TRPM3: variants seen among roughly 807,000 people sequenced by gnomAD.
TRPM3 encodes transient receptor potential cation channel subfamily M member 3.
A neutral mutation model predicts 181.2 loss-of-function variants in TRPM3; 77 were observed. The observed-to-expected ratio is 0.42, with a 90% CI of 0.35 to 0.51. The LOEUF (loss-of-function observed/expected upper bound fraction) is 0.51, where lower values mean the gene tolerates loss of function less well. Among genes scored for constraint, TRPM3 ranks in the 20% least tolerant of loss-of-function variants. The pLI, the probability that TRPM3 is intolerant of heterozygous loss-of-function variation, is 0.01. For missense variants in TRPM3, 1,759 were observed against 2,196.7 expected (o/e 0.80, Z 3.98); for synonymous variants, 745 against 796.4 (o/e 0.94, Z 1.09).
At chr9:71,279,800 G>A (rs1430774930) in intron 1 of TRPM3, among the ~76,000 whole-genome samples, 5 of 152,120 alleles carry the variant, frequency 3.3e-5, no homozygotes, top group Admixed American at 6.5e-5. Context: ...TATCCCGGCC[G>A]GGCGCGGTGG....
chr9:70,609,313 G>A (rs1473409050), intron 19 of TRPM3, among the ~76,000 whole-genome samples: 1 of 152,146 alleles, frequency 6.6e-6, no homozygotes, highest in African/African-American at 2.4e-5. Context: ...TAAAATATAT[G>A]AATAGAAACG....
chr9:71,315,924 C>T (rs1447606550), intron 1 of TRPM3, among the ~76,000 whole-genome samples: 1 of 152,100 alleles, frequency 6.6e-6, no homozygotes, highest in Non-Finnish European at 1.5e-5. Context: ...TTTGGTTGGG[C>T]TATAGTTATT....
rs1457373244 is a variant in TRPM3, at chr9:71,409,503, G to GAGGCAAAGA, written c.183+37141_183+37149dup. ...GACCTTAAACCAACAAAGATCAAAG[G>GAGGCAAAGA]AGGCAAAGAAGGCCATTACATAATG... On this transcript the variant is annotated intron_variant, in intron 1 of 24. Coordinates refer to the TRPM3 transcript ENST00000357533. Among the ~76,000 whole-genome samples the GAGGCAAAGA allele has an allele frequency of 2.6e-5, 4 of 152,206 alleles. No homozygotes were observed. The East Asian group carries it at 7.7e-4, about 29-fold the overall frequency.
chr9:71,165,701 C>T (rs1181821444), intron 1 of TRPM3, among the ~76,000 whole-genome samples: 1 of 152,096 alleles, frequency 6.6e-6, no homozygotes, highest in Non-Finnish European at 1.5e-5. Context: ...TGAAAGGTCA[C>T]TCATCATTAC....
chr9:71,030,567 G>A (rs576406408), intron 1 of TRPM3, among the ~76,000 whole-genome samples: 1 of 146,300 alleles, frequency 6.8e-6, no homozygotes, highest in South Asian at 2.1e-4. Context: ...GTGAGACCCC[G>A]TTCCAAAAAA....
Position 71,015,708 on chromosome 9 carries a change from C to T in TRPM3, c.177+105470G>A, listed in dbSNP as rs117372257. Among the ~76,000 whole-genome samples the T allele has an allele frequency of 8.8e-3, 1,334 of 152,172 alleles. 12 individuals carry two copies. The highest frequency in any genetic ancestry group is 0.015 in the Non-Finnish European group (1,008 of 67,978). On this transcript the variant is annotated intron_variant, in intron 1 of 25. Transcript: ENST00000677713. ...TGTGTTCTGAATTGATAATCCAAAACGTTCTTTTTTATAATAGGGTAAATG... is the reference window on the plus strand; with the variant it reads ...TGTGTTCTGAATTGATAATCCAAAATGTTCTTTTTTATAATAGGGTAAATG...
intron 1 of TRPM3, among the ~76,000 whole-genome samples, chr9:71,219,671 G>T (rs2080111038): frequency 6.6e-6 from 1 of 152,156 alleles, no homozygotes; most frequent in Non-Finnish European, 1.5e-5. Context: ...AGAGTTTCAG[G>T]AACTGTTTTA....
At chr9:71,046,515 T>A (rs1355750088) in intron 1 of TRPM3, among the ~76,000 whole-genome samples, 1 of 152,204 alleles carries the variant, frequency 6.6e-6, no homozygotes, top group African/African-American at 2.4e-5. Flanking sequence ...CTATTTTAAG[T>A]ATCTAAATAT....
At chr9:71,384,616 T>A (rs74343508) in intron 1 of TRPM3, among the ~76,000 whole-genome samples, 7 of 152,326 alleles carry the variant, frequency 4.6e-5, no homozygotes, top group African/African-American at 1.7e-4. Context: ...TCTTTGATGC[T>A]CCCATAGATA....
At chr9:71,127,268 A>G (rs754215021) in intron 1 of TRPM3, among the ~76,000 whole-genome samples, 2 of 104,800 alleles carry the variant, frequency 1.9e-5, no homozygotes, top group Non-Finnish European at 4.4e-5. Context: ...TACTCAACAT[A>G]GATTTTAAGT....
intron 1 of TRPM3, among the ~76,000 whole-genome samples, chr9:71,404,618 G>T (rs1421295169): frequency 6.6e-6 from 1 of 151,982 alleles, no homozygotes; most frequent in Non-Finnish European, 1.5e-5. Flanking sequence ...TGCTGGCTCT[G>T]GTCTTTTCCT....
chr9:71,090,421 T>G (rs1401329399), intron 1 of TRPM3, among the ~76,000 whole-genome samples: 4 of 152,166 alleles, frequency 2.6e-5, no homozygotes, highest in Admixed American at 6.6e-5. Flanking sequence ...CACAAGCAGA[T>G]GAAGTTGTTA....
intron 1 of TRPM3, among the ~76,000 whole-genome samples, chr9:71,434,056 G>C (rs888860342): frequency 2.0e-5 from 3 of 152,150 alleles, no homozygotes; most frequent in Non-Finnish European, 4.4e-5. Context: ...CTACTCAGGA[G>C]GCTCAGGCAG....
At chr9:70,987,845 A>T (rs549054837) in intron 1 of TRPM3, among the ~76,000 whole-genome samples, 1 of 152,188 alleles carries the variant, frequency 6.6e-6, no homozygotes, top group Non-Finnish European at 1.5e-5. Context: ...TTATTTAAAA[A>T]TTTTATTTTA....
At chr9:71,096,474 G>A (rs1465209751) in intron 1 of TRPM3, among the ~76,000 whole-genome samples, 1 of 150,740 alleles carries the variant, frequency 6.6e-6, no homozygotes, top group Non-Finnish European at 1.5e-5. Flanking sequence ...CTCTTCCAGA[G>A]GCTTAGAGAG....
At chr9:70,553,766 G>A (rs570307443) in intron 22 of TRPM3, among the ~76,000 whole-genome samples, 41 of 152,316 alleles carry the variant, frequency 2.7e-4, no homozygotes, top group African/African-American at 9.9e-4. Context: ...CTATTGATCG[G>A]GAATTAACAA....
intron 1 of TRPM3, among the ~76,000 whole-genome samples, chr9:71,382,029 T>C (rs986462299): frequency 1.3e-5 from 2 of 152,160 alleles, no homozygotes; most frequent in African/African-American, 4.8e-5. Flanking sequence ...TATGAATAGA[T>C]AAATGCATGC....
intron 1 of TRPM3, among the ~76,000 whole-genome samples, chr9:71,414,329 A>G (rs556446441): frequency 1.3e-4 from 20 of 152,196 alleles, no homozygotes; most frequent in African/African-American, 4.6e-4. Context: ...TCATAACAAT[A>G]ATAGGTTGTC....
At chr9:70,847,926 C>T (rs1231408715) in intron 3 of TRPM3, among the ~76,000 whole-genome samples, 1 of 152,152 alleles carries the variant, frequency 6.6e-6, no homozygotes, top group Non-Finnish European at 1.5e-5. Flanking sequence ...AATGTGTCAT[C>T]AATCCATGCC....
Sources: allele counts gnomAD v4.1 joint callset (sites outside exome capture counted in the v4.1 genomes callset), GRCh38; gene constraint gnomAD v4.1.1; transcripts MANE v1.5; gene names NCBI Gene and HGNC (gene_info 2026-07-23, HGNC 2026-07-21).